Variants in ANO3 observed in about 807,000 individuals in gnomAD.
ANO3 encodes the protein anoctamin-3.
A neutral mutation model predicts 144.8 loss-of-function variants in ANO3; 99 were observed. That is an observed-to-expected ratio of 0.68 (90% CI 0.58 to 0.81). ANO3 has a LOEUF of 0.81. Among genes scored for constraint, ANO3 ranks in the 30% least tolerant of loss-of-function variants. The pLI, the probability that ANO3 is intolerant of heterozygous loss-of-function variation, is 0.00. For synonymous variants in ANO3, 414 were observed against 392.6 expected (o/e 1.05, Z -0.64); for missense variants, 905 against 1,202.2 (o/e 0.75, Z 3.66).
At chr11:26,565,884 T>C (rs768679924) in intron 14 of ANO3, 1 of 1,575,266 alleles carries the variant, frequency 6.3e-7, no homozygotes, top group Admixed American at 2.1e-5. Flanking sequence ...TATTGGTTTT[T>C]TTTTAAAGGA....
chr11:26,375,111 T>G (rs1856369372), intron 1 of ANO3, among the ~76,000 whole-genome samples: 1 of 152,222 alleles, frequency 6.6e-6, no homozygotes, highest in African/African-American at 2.4e-5. Context: ...GCCTTGAGTT[T>G]ATTTTCCTGC....
At chr11:26,590,183 G>A (rs1214632227) in intron 14 of ANO3, among the ~76,000 whole-genome samples, 1 of 152,172 alleles carries the variant, frequency 6.6e-6, no homozygotes, top group Non-Finnish European at 1.5e-5. Context: ...GCAAAAGAAA[G>A]AGAATAGGAG....
At chr11:26,434,352 T>G (rs1017999502) in intron 1 of ANO3, among the ~76,000 whole-genome samples, 1 of 152,104 alleles carries the variant, frequency 6.6e-6, no homozygotes. Context: ...TTGGCCTATG[T>G]ACATCATTAA....
At chr11:26,624,728 C>T (rs528131894) in intron 18 of ANO3, among the ~76,000 whole-genome samples, 1 of 152,254 alleles carries the variant, frequency 6.6e-6, no homozygotes, top group African/African-American at 2.4e-5. Context: ...CCTAGTTCTT[C>T]CTACTTAGGA....
intron 1 of ANO3, among the ~76,000 whole-genome samples, chr11:26,425,976 T>A (rs1190967520): frequency 1.3e-5 from 2 of 152,148 alleles, no homozygotes; most frequent in African/African-American, 2.4e-5. Context: ...GTGTGATATG[T>A]TACTTTTCCC....
chr11:26,590,972 T>C (rs182869997), intron 14 of ANO3, among the ~76,000 whole-genome samples: 1 of 152,082 alleles, frequency 6.6e-6, no homozygotes, highest in East Asian at 1.9e-4. Flanking sequence ...ATGCCTAGGG[T>C]TTATATCCCG....
intron 18 of ANO3, among the ~76,000 whole-genome samples, chr11:26,627,959 T>C (rs1289933658): frequency 6.6e-6 from 1 of 152,132 alleles, no homozygotes; most frequent in Non-Finnish European, 1.5e-5. Context: ...ATATGCTATT[T>C]AAAGAATTTT....
At chr11:26,268,566 G>A (rs1025177562) in intron 1 of ANO3, among the ~76,000 whole-genome samples, 1 of 152,080 alleles carries the variant, frequency 6.6e-6, no homozygotes, top group Non-Finnish European at 1.5e-5. Context: ...GTAAGCCAAA[G>A]GTGTCAGCTT....
chr11:26,315,074 T>G (rs1272033140), intron 1 of ANO3, among the ~76,000 whole-genome samples: 1 of 150,816 alleles, frequency 6.6e-6, no homozygotes, highest in African/African-American at 2.4e-5. Flanking sequence ...CCATAAATCC[T>G]AGGTAGGTCT....
chr11:26,422,236 ACAAT>A (rs903404708), intron 1 of ANO3, among the ~76,000 whole-genome samples: 1 of 152,048 alleles, frequency 6.6e-6, no homozygotes, highest in African/African-American at 2.4e-5. Flanking sequence ...TACACTGAGA[ACAAT>A]CAACCAGTTA....
At chr11:26,603,244 AT>A (rs1298740671) in intron 17 of ANO3, among the ~76,000 whole-genome samples, 2 of 152,000 alleles carry the variant, frequency 1.3e-5, no homozygotes, top group East Asian at 3.9e-4. Context: ...AGATCAAAAT[AT>A]TTTCTAGAGT....
At chr11:26,250,582 C>T (rs1429112914) in intron 1 of ANO3, among the ~76,000 whole-genome samples, 1 of 152,174 alleles carries the variant, frequency 6.6e-6, no homozygotes, top group Non-Finnish European at 1.5e-5. Context: ...TGTTGAAGCA[C>T]TTTACCATCT....
chr11:26,471,303 G>T (rs1039160289), intron 4 of ANO3, among the ~76,000 whole-genome samples: 12 of 151,848 alleles, frequency 7.9e-5, no homozygotes, highest in African/African-American at 2.9e-4. Context: ...TTACTCTGAA[G>T]TAAGGCAGCT....
chr11:26,273,253 A>G (rs922238081), intron 1 of ANO3, among the ~76,000 whole-genome samples: 1 of 142,440 alleles, frequency 7.0e-6, no homozygotes, highest in Non-Finnish European at 1.5e-5. Flanking sequence ...TTTATATTGG[A>G]CAATGCCCTG....
intron 4 of ANO3, among the ~76,000 whole-genome samples, chr11:26,494,756 C>G (rs983556127): frequency 1.3e-5 from 2 of 152,134 alleles, no homozygotes; most frequent in African/African-American, 4.8e-5. Flanking sequence ...ACTGCCTGAC[C>G]CATAAGTTCC....
chr11:26,215,902 C>A (rs1852027025), intron 1 of ANO3, among the ~76,000 whole-genome samples: 1 of 151,950 alleles, frequency 6.6e-6, no homozygotes, highest in Admixed American at 6.6e-5. Flanking sequence ...TTTTAATACA[C>A]ATGTGTAAAG....
At chr11:26,659,374 T>A (rs561227063) in intron 26 of ANO3, among the ~76,000 whole-genome samples, 1 of 151,296 alleles carries the variant, frequency 6.6e-6, no homozygotes, top group South Asian at 2.1e-4. Context: ...TTTTTTTTTT[T>A]AATGCATTAC....
chr11:26,372,685 A>G (rs1856294850), intron 1 of ANO3, among the ~76,000 whole-genome samples: 1 of 152,178 alleles, frequency 6.6e-6, no homozygotes, highest in Non-Finnish European at 1.5e-5. Context: ...AAATTTTGAT[A>G]CTCAGGAAGT....
intron 5 of ANO3, among the ~76,000 whole-genome samples, chr11:26,511,294 G>A (rs137973183): frequency 4.2e-4 from 64 of 152,266 alleles, no homozygotes; most frequent in African/African-American, 1.4e-3. Context: ...TTTTGAAGCC[G>A]AGTTGGGAGA....
Sources: allele counts gnomAD v4.1 joint callset (sites outside exome capture counted in the v4.1 genomes callset), GRCh38; gene constraint gnomAD v4.1.1; transcripts MANE v1.5; gene names NCBI Gene and HGNC (gene_info 2026-07-23, HGNC 2026-07-21).